Variants in GRAMD2B observed in about 807,000 individuals in gnomAD.
GRAMD2B encodes the protein GRAM domain-containing protein 2B.
A neutral mutation model predicts 59.2 loss-of-function variants in GRAMD2B; 41 were observed. That is an observed-to-expected ratio of 0.69 (90% CI 0.54 to 0.90). The LOEUF (loss-of-function observed/expected upper bound fraction) is 0.90, where lower values mean the gene tolerates loss of function less well. Ranked by LOEUF, GRAMD2B falls within the 40% of genes least tolerant of loss-of-function variation. The pLI is 0.00. For synonymous variants in GRAMD2B, 161 were observed against 182.7 expected, an observed-to-expected ratio of 0.88 and a Z score of 0.96; for missense variants, 424 against 500.5, an observed-to-expected ratio of 0.85 and a Z score of 1.46.
chr5:126,360,516 T>C (rs1022735865), intron 1 of GRAMD2B: 3 of 1,520,890 alleles, frequency 2.0e-6, no homozygotes, highest in African/African-American at 1.4e-5. Flanking sequence ...GTGGCTTCTG[T>C]GGTTTAAAAG....
chr5:126,491,843 C>G (rs932782521), intron 13 of GRAMD2B, among the ~76,000 whole-genome samples: 3 of 152,120 alleles, frequency 2.0e-5, no homozygotes, highest in African/African-American at 7.2e-5. Context: ...AAGCAATTCT[C>G]CTGCCTCAGC....
At chr5:126,440,948 T>A (rs930008647) in intron 1 of GRAMD2B, among the ~76,000 whole-genome samples, 4 of 152,204 alleles carry the variant, frequency 2.6e-5, no homozygotes, top group African/African-American at 9.6e-5. Context: ...AAAATGATCC[T>A]ATTATACAAA....
rs1400174844 is a variant in GRAMD2B, at chr5:126,484,478, T to C, written c.924T>C (p.His308=). The change falls in exon 10 of 14, where the codon CAT becomes CAC. Residue 308 remains histidine (H), a synonymous_variant. Coordinates refer to ENST00000285689, the MANE Select transcript of GRAMD2B (RefSeq NM_023927.4). ...CAAAGCCAACTCGGGCAGATGCCCA[T>C]GTGAACAGAGTACCTGAAGGAAAAG... ...GEAKPTRADA[H]VNRVPEGKAK... The C allele has an allele frequency of 3.1e-6, 5 of 1,614,100 alleles. No homozygotes were observed. The highest frequency in any genetic ancestry group is 3.4e-6 in the Non-Finnish European group (4 of 1,180,018).
chr5:126,408,936 G>A lies in GRAMD2B; in HGVS notation c.125+37369G>A, dbSNP rs981350075. Among the ~76,000 whole-genome samples the A allele has an allele frequency of 8.8e-5, 13 of 147,992 alleles. 1 individual carries two copies. The highest frequency in any genetic ancestry group is 4.3e-4 in the South Asian group (2 of 4,686). On this transcript the variant is annotated intron_variant, in intron 1 of 8. Coordinates refer to the GRAMD2B transcript ENST00000506445. ...TTCCCACCTATGAGTGAGAATATGC[G>A]GTGTTTGGCCTTTTGTTCCTGCGAT...
chr5:126,387,131 A>C (rs891475641), intron 1 of GRAMD2B, among the ~76,000 whole-genome samples: 5 of 152,158 alleles, frequency 3.3e-5, no homozygotes, highest in African/African-American at 1.2e-4. Context: ...AAGCTATTTC[A>C]GTTCTCCCAT....
chr5:126,423,660 G>A lies in GRAMD2B; in HGVS notation c.54G>A (p.Gly18=), dbSNP rs146038022. 24 of 1,608,996 alleles carry A rather than the reference G, an allele frequency of 1.5e-5. No individual in the cohort carries two copies. The highest frequency in any genetic ancestry group is 1.6e-4 in the Middle Eastern group (1 of 6,074). ...ACACAAAGCCTGCGAAAGTGCTCGG[G>A]AAGAGGGAGAGCAAACTTGGCTCAG... ...VEDTKPAKVL[G]KRESKLGSAH... The change falls in exon 1 of 14, where the codon GGG becomes GGA. Residue 18 remains glycine (G), a synonymous_variant. Transcript: ENST00000285689.
chr5:126,389,759 C>A (rs1756543860), intron 1 of GRAMD2B, among the ~76,000 whole-genome samples: 1 of 152,026 alleles, frequency 6.6e-6, no homozygotes, highest in South Asian at 2.1e-4. Context: ...ACCAGCCTGG[C>A]CAACATAGTA....
chr5:126,379,261 T>C (rs1049168596), intron 1 of GRAMD2B, among the ~76,000 whole-genome samples: 3 of 152,204 alleles, frequency 2.0e-5, no homozygotes, highest in African/African-American at 7.2e-5. Context: ...CTGAGTAGTA[T>C]CCCATGGTAT....
intron 8 of GRAMD2B, 63 bp from the exon 9 acceptor site, chr5:126,483,400 A>T: frequency 2.0e-6 from 2 of 998,704 alleles, no homozygotes; most frequent in Non-Finnish European, 3.2e-6. Context: ...GCTGGGAGTT[A>T]CAAAGGCCTG....
chr5:126,364,076 T>C (rs1477874602), intron 1 of GRAMD2B, among the ~76,000 whole-genome samples: 1 of 152,204 alleles, frequency 6.6e-6, no homozygotes, highest in Non-Finnish European at 1.5e-5. Flanking sequence ...AAAATAAATA[T>C]AAAATTTGCT....
chr5:126,458,033 A>G (rs1376477021), intron 1 of GRAMD2B, among the ~76,000 whole-genome samples: 3 of 152,210 alleles, frequency 2.0e-5, no homozygotes, highest in Non-Finnish European at 2.9e-5. Context: ...CACTAAAGCC[A>G]GTTTCCCTGG....
chr5:126,473,012 C>T (rs1024396136), intron 4 of GRAMD2B, among the ~76,000 whole-genome samples: 2 of 152,192 alleles, frequency 1.3e-5, no homozygotes, highest in Non-Finnish European at 2.9e-5. Context: ...AGACCCCATT[C>T]TTGGTCTCTC....
At chr5:126,400,488 T>C (rs921251102) in intron 1 of GRAMD2B, among the ~76,000 whole-genome samples, 2 of 144,792 alleles carry the variant, frequency 1.4e-5, no homozygotes, top group Admixed American at 1.4e-4. Flanking sequence ...AGAAGTGATG[T>C]ACACACTGCC....
intron 1 of GRAMD2B, among the ~76,000 whole-genome samples, chr5:126,379,676 CAT>C (rs1159434958): frequency 2.2e-4 from 33 of 152,252 alleles, no homozygotes; most frequent in African/African-American, 7.7e-4. Flanking sequence ...AGCATTTTAT[CAT>C]ATGTTTGTTA....
chr5:126,480,724 ACTAT>A lies in GRAMD2B; in HGVS notation c.735+21_735+24del. ...CTGCCTCTGGTAAGTTGCCCACATA[ACTAT>A]CTAAATGCAAAAGAAAGGGAATATG... On this transcript the variant is annotated intron_variant, in intron 8 of 13. Coordinates refer to ENST00000285689, the MANE Select transcript of GRAMD2B (RefSeq NM_023927.4). 1 of 1,602,772 alleles carries A rather than the reference ACTAT, an allele frequency of 6.2e-7. No individual in the cohort carries two copies. The highest frequency in any genetic ancestry group is 2.2e-5 in the East Asian group (1 of 44,804).
At chr5:126,394,277 A>G (rs147805944) in intron 1 of GRAMD2B, among the ~76,000 whole-genome samples, 9,265 of 151,096 alleles carry the variant, frequency 0.061, 352 homozygotes, top group African/African-American at 0.11. Context: ...TCTGTCTCAA[A>G]AAAAAAAAAA....
At chr5:126,490,877 T>A (rs757244451) in intron 13 of GRAMD2B, among the ~76,000 whole-genome samples, 3 of 152,196 alleles carry the variant, frequency 2.0e-5, no homozygotes, top group Non-Finnish European at 2.9e-5. Flanking sequence ...TCATTGGAAA[T>A]CTAAGAATAA....
chr5:126,458,304 G>A (rs1014709169), intron 1 of GRAMD2B, among the ~76,000 whole-genome samples: 3 of 151,994 alleles, frequency 2.0e-5, no homozygotes, highest in Admixed American at 6.6e-5. Context: ...GCATGGTGTT[G>A]TGCGCCTGTA....
upstream of GRAMD2B, among the ~76,000 whole-genome samples, chr5:126,367,845 C>CG (rs1178476818): frequency 5.3e-5 from 8 of 152,230 alleles, no homozygotes; most frequent in East Asian, 1.4e-3. Context: ...TCCACCTTCC[C>CG]GGTTCACGCC....
Sources: gnomAD v4.1 joint callset for allele counts (sites outside exome capture counted in the v4.1 genomes callset) on GRCh38, gnomAD v4.1.1 for gene constraint, MANE v1.5 for transcripts, NCBI Gene and HGNC (gene_info 2026-07-23, HGNC 2026-07-21) for gene names.